Variants in IGF2 observed in about 807,000 individuals in gnomAD.
The protein encoded by IGF2 is insulin like growth factor 2.
IGF2 carries 2 observed loss-of-function variants against 12.0 expected under a neutral mutation model. The ratio of observed to expected loss-of-function variants is 0.17; its 90% CI spans 0.07 to 0.52. The LOEUF is 0.52. Ranked by LOEUF, IGF2 falls within the 20% of genes least tolerant of loss-of-function variation. The probability of loss-of-function intolerance (pLI) is 0.95; values close to 1 mark genes in which losing one functional copy is unlikely to be tolerated. For missense variants in IGF2, 211 were observed against 268.0 expected, an observed-to-expected ratio of 0.79 and a Z score of 1.48; for synonymous variants, 105 against 110.1, an observed-to-expected ratio of 0.95 and a Z score of 0.29.
upstream of IGF2, among the ~76,000 whole-genome samples, chr11:2,141,534 A>G (rs1859596285): frequency 6.6e-6 from 1 of 152,200 alleles, no homozygotes; most frequent in African/African-American, 2.4e-5. Context: ...AATTCTCCAT[A>G]TGAAATTGGG....
At chr11:2,134,567 G>A (rs903031746) in intron 2 of IGF2, among the ~76,000 whole-genome samples, 9 of 152,258 alleles carry the variant, frequency 5.9e-5, no homozygotes, top group East Asian at 1.9e-4. Context: ...ATTTCACAGC[G>A]TGAGTAAGCA....
intron 1 of IGF2, among the ~76,000 whole-genome samples, chr11:2,135,814 C>G (rs3213221): frequency 0.55 from 84,416 of 152,116 alleles, 24,310 homozygotes; most frequent in Admixed American, 0.68. Flanking sequence ...GTGACCATCT[C>G]CACGGTCATT....
chr11:2,147,449 C>A, the IGF2 span: 3 of 434,746 alleles, frequency 6.9e-6, no homozygotes, highest in Non-Finnish European at 1.2e-5. The surrounding 1 kb of genome is among the most constrained non-coding windows in gnomAD (Gnocchi z 7.2). Flanking sequence ...GTGACTGAAT[C>A]CACGCCAGCC....
chr11:2,147,097 C>G, the IGF2 span: 1 of 153,396 alleles, frequency 6.5e-6, no homozygotes. The surrounding 1 kb of genome is among the most constrained non-coding windows in gnomAD (Gnocchi z 7.2). Flanking sequence ...AAAGGTCAGG[C>G]CATTGGTGCA....
chr11:2,132,925 T>G lies in IGF2; in HGVS notation c.*62A>C. 1 of 1,149,494 alleles carries G rather than the reference T, an allele frequency of 8.7e-7. No individual in the cohort carries two copies. Among genetic ancestry groups the G allele is most frequent in the Non-Finnish European group, 1.2e-6 (1 of 816,292 alleles). The allele number at this position is 1,149,494 out of a possible 1,614,324, so 71.2% of individuals were successfully genotyped here. The stretch of plus-strand genomic sequence containing the variant: ...TTCGGGATGGAACCTGATGGAAACG[T>G]CCGTGGTCAGGAGGAGGCTGCAGGA... On this transcript the variant is annotated 3_prime_UTR_variant, in exon 4 of 4. Coordinates refer to ENST00000416167, the MANE Select transcript of IGF2 (RefSeq NM_000612.6).
chr11:2,131,571 GTGTGTGC>G lies in IGF2; in HGVS notation c.*1409_*1415del, dbSNP rs1437107351. The G allele has an allele frequency of 4.6e-6, 1 of 219,022 alleles. No individual in the cohort carries two copies. Among genetic ancestry groups the G allele is most frequent in the African/African-American group, 2.2e-5 (1 of 44,514 alleles). 13.6% of individuals were successfully genotyped at this position (219,022 alleles called of 1,614,324 possible). A position where few individuals can be genotyped will look rare whatever the true frequency, so the allele number is the denominator to read the frequency against. ...GTGCATGTGTGTGCTGTGTGTTTGT[GTGTGTGC>G]TGTGTTCATGTGTGCTGTGCATGCG... On this transcript the variant is annotated 3_prime_UTR_variant, in exon 4 of 4. Coordinates refer to ENST00000416167, the MANE Select transcript of IGF2 (RefSeq NM_000612.6).
rs781634507 is a variant in IGF2, at chr11:2,135,519, C to T, written c.5G>A (p.Gly2Glu). M[G>E]IPMGKSMLVL... Reference sequence around the variant, plus strand: ...CAGCATCGACTTCCCCATTGGGATTCCCATTGGTGTCTGGGGGCGGGAGAG... The same window carrying T: ...CAGCATCGACTTCCCCATTGGGATTTCCATTGGTGTCTGGGGGCGGGAGAG... The change falls in exon 2 of 4, where the codon GGA (glycine) becomes GAA (glutamate). Residue 2 changes from glycine (G) to glutamate (E), a missense_variant. By Grantham distance (98) the Gly-to-Glu change is moderately conservative. This residue lies in a region of IGF2 where 40 missense variants were observed against 35.7 expected (regional missense o/e 1.12). Transcript: ENST00000416167. 54 of 1,613,010 alleles carry T rather than the reference C, an allele frequency of 3.3e-5. No individual in the cohort carries two copies. The highest frequency in any genetic ancestry group is 4.2e-5 in the Non-Finnish European group (50 of 1,179,640).
At chr11:2,142,913 C>T (rs988731470), upstream of IGF2, among the ~76,000 whole-genome samples, 1 of 152,148 alleles carries the variant, frequency 6.6e-6, no homozygotes, top group Non-Finnish European at 1.5e-5. This position sits in a 1 kb window ranked among gnomAD's most constrained non-coding sequence, Gnocchi z 5.7. Context: ...TGAGCACCTC[C>T]TGGTAACTGC....
rs1447539692 is a variant in IGF2 at position 2,133,366 on chromosome 11, C to T, written c.307-143G>A. ...CGGGCAGAGGGACAGAAGGAGCCAG[C>T]GTCTGAGCTGCTCCCGGGCCACACA... On this transcript the variant is annotated intron_variant, in intron 3 of 3. Coordinates refer to ENST00000416167, the MANE Select transcript of IGF2 (RefSeq NM_000612.6). This position sits in a 1 kb window ranked among gnomAD's most constrained non-coding sequence, Gnocchi z 8.9. 6 of 1,018,108 alleles carry T rather than the reference C, an allele frequency of 5.9e-6. No individual in the cohort carries two copies. Among genetic ancestry groups the T allele is most frequent in the Non-Finnish European group, 7.1e-6 (5 of 705,562 alleles). 63.1% of individuals were successfully genotyped at this position (1,018,108 alleles called of 1,614,324 possible).
intron 1 of IGF2, among the ~76,000 whole-genome samples, chr11:2,136,133 A>G (rs578210240): frequency 6.6e-6 from 1 of 152,116 alleles, no homozygotes; most frequent in South Asian, 2.1e-4. Flanking sequence ...CCACCTTTCC[A>G]GTCTGCAGCT....
the IGF2 span, chr11:2,148,266 T>A: frequency 6.4e-6 from 1 of 156,970 alleles, no homozygotes; most frequent in African/African-American, 2.4e-5. The surrounding 1 kb of genome is among the most constrained non-coding windows in gnomAD (Gnocchi z 4.3). Context: ...CAGCTCTGCT[T>A]GACGAGGCCA....
At chr11:2,140,362 A>G (rs901090683), upstream of IGF2, 312 of 1,452,008 alleles carry the variant, frequency 2.1e-4, no homozygotes, top group Non-Finnish European at 2.8e-4. Flanking sequence ...ACCACGCACA[A>G]AATCCCGCAC....
rs930713965 is a variant in IGF2, at chr11:2,131,486, G to C, written c.*1501C>G. On this transcript the variant is annotated 3_prime_UTR_variant, in exon 4 of 4. Coordinates refer to ENST00000416167, the MANE Select transcript of IGF2 (RefSeq NM_000612.6). The stretch of plus-strand genomic sequence containing the variant: ...CTTGCGTGTGCAACGTGTGTGCTGC[G>C]TGTTTGTGTGCTGTGAGCTGTGTTC... 5 of 232,204 alleles carry C rather than the reference G, an allele frequency of 2.2e-5. No individual in the cohort carries two copies. In the Admixed American group the frequency reaches 2.8e-4, roughly 13 times the overall value. 14.4% of individuals were successfully genotyped at this position (232,204 alleles called of 1,614,324 possible). A position where few individuals can be genotyped will look rare whatever the true frequency, so the allele number is the denominator to read the frequency against.
chr11:2,145,434 C>T (rs772480375), upstream of IGF2, among the ~76,000 whole-genome samples: 12 of 152,258 alleles, frequency 7.9e-5, no homozygotes, highest in Non-Finnish European at 1.3e-4. Flanking sequence ...CTCCTCCACG[C>T]CTGCTTCCCA....
At chr11:2,140,228 T>A (rs1330826453), upstream of IGF2, 2 of 1,613,220 alleles carry the variant, frequency 1.2e-6, no homozygotes, top group Non-Finnish European at 1.7e-6. Context: ...CCTCAGTGCG[T>A]TGGACTTGCA....
At chr11:2,139,526 A>C (rs1859391747), upstream of IGF2, 1 of 130,784 alleles carries the variant, frequency 7.6e-6, no homozygotes, top group Non-Finnish European at 1.6e-5. Context: ...CGCCCCCGCA[A>C]CCCGAGCCAA....
At chr11:2,149,053 TC>T in the IGF2 span, 1 of 1,410,162 alleles carries the variant, frequency 7.1e-7, no homozygotes, top group Non-Finnish European at 9.9e-7. Flanking sequence ...TGCCCCAAGC[TC>T]CCGGCCCACC....
Position 2,138,834 on chromosome 11 carries a change from G to A in IGF2, c.-612C>T, listed in dbSNP as rs1444682548. Reference sequence around the variant, plus strand: ...GGGGAGCACAGAGAAGCGGAGGGAAGGGCGCCACGTCGAGGGGCCGGGGGA... The same window carrying A: ...GGGGAGCACAGAGAAGCGGAGGGAAAGGCGCCACGTCGAGGGGCCGGGGGA... On this transcript the variant is annotated 5_prime_UTR_variant, in exon 1 of 4. Transcript: ENST00000416167. The A allele has an allele frequency of 5.7e-5, 54 of 947,246 alleles. No homozygotes were observed. The East Asian group carries it at 5.8e-3, about 102-fold the overall frequency. The allele number at this position is 947,246 out of a possible 1,614,324, so 58.7% of individuals were successfully genotyped here.
upstream of IGF2, among the ~76,000 whole-genome samples, chr11:2,141,486 C>T (rs1174163328): frequency 6.6e-6 from 1 of 152,160 alleles, no homozygotes; most frequent in Non-Finnish European, 1.5e-5. Flanking sequence ...GGCCAGCTAG[C>T]TTGGGGGACC....
Sources: allele counts gnomAD v4.1 joint callset (sites outside exome capture counted in the v4.1 genomes callset), GRCh38; gene constraint gnomAD v4.1.1; regional missense constraint gnomAD v4.1.1; non-coding constraint Gnocchi (gnomAD v3.1); transcripts MANE v1.5; gene names NCBI Gene and HGNC (gene_info 2026-07-23, HGNC 2026-07-21).